SORCS2: variants seen among roughly 807,000 people sequenced by gnomAD.
SORCS2 encodes the protein sortilin related VPS10 domain containing receptor 2, also known as VPS10 domain-containing receptor SorCS2.
A neutral mutation model predicts 141.6 loss-of-function variants in SORCS2; 100 were observed. That is an observed-to-expected ratio of 0.71 (90% CI 0.60 to 0.83). The LOEUF is 0.83. SORCS2 is among the 40% of genes least tolerant of loss of function. The pLI is 0.00. For synonymous variants in SORCS2, 789 were observed against 676.9 expected (o/e 1.17, Z -2.57); for missense variants, 1,646 against 1,560.2 (o/e 1.05, Z -0.93).
chr4:7,322,978 T>A (rs1718994978), intron 1 of SORCS2, among the ~76,000 whole-genome samples: 1 of 151,664 alleles, frequency 6.6e-6, no homozygotes, highest in Non-Finnish European at 1.5e-5. Flanking sequence ...GCCCGTTTTT[T>A]ATCTTTTTCT....
intron 1 of SORCS2, among the ~76,000 whole-genome samples, chr4:7,350,980 G>A (rs929517274): frequency 5.3e-5 from 8 of 152,180 alleles, no homozygotes; most frequent in African/African-American, 1.7e-4. Context: ...TGGGGCACAC[G>A]TGGTCGGGGT....
intron 1 of SORCS2, among the ~76,000 whole-genome samples, chr4:7,203,052 G>A (rs1217531535): frequency 1.3e-5 from 2 of 152,172 alleles, no homozygotes; most frequent in East Asian, 3.8e-4. Context: ...CGGTGTGGCA[G>A]GAGGACTTGC....
chr4:7,568,664 A>T (rs535867293), intron 3 of SORCS2, among the ~76,000 whole-genome samples: 11 of 152,234 alleles, frequency 7.2e-5, no homozygotes, highest in African/African-American at 2.7e-4. Flanking sequence ...TGCAGGATCC[A>T]AGAAATGTTG....
intron 3 of SORCS2, among the ~76,000 whole-genome samples, chr4:7,627,356 G>A (rs1330708252): frequency 1.3e-5 from 2 of 152,136 alleles, no homozygotes; most frequent in Non-Finnish European, 2.9e-5. Context: ...AGAATGCCAG[G>A]CCTTACATAT....
At chr4:7,645,291 A>T (rs1263075478) in intron 4 of SORCS2, among the ~76,000 whole-genome samples, 1 of 152,088 alleles carries the variant, frequency 6.6e-6, no homozygotes, top group Non-Finnish European at 1.5e-5. Context: ...GGCAAGGGTG[A>T]CTCCTCAGCC....
Position 7,740,626 on chromosome 4 carries a change from C to T in SORCS2, c.*362C>T, listed in dbSNP as rs577352010. 18 of 347,850 alleles carry T rather than the reference C, an allele frequency of 5.2e-5. No individual in the cohort carries two copies. The East Asian group carries it at 8.0e-4, about 15-fold the overall frequency. The allele number at this position is 347,850 out of a possible 1,614,324, so 21.5% of individuals were successfully genotyped here. A position where few individuals can be genotyped will look rare whatever the true frequency, so the allele number is the denominator to read the frequency against. ...GGAGCCCTCCCAGTACCTCGGGCTGCAAGAGCTGCAGACCCGTTCAGACAC... is the reference window on the plus strand; with the variant it reads ...GGAGCCCTCCCAGTACCTCGGGCTGTAAGAGCTGCAGACCCGTTCAGACAC... On this transcript the variant is annotated 3_prime_UTR_variant, in exon 27 of 27. Transcript: ENST00000507866.
At chr4:7,674,892 T>C (rs1489321762) in intron 8 of SORCS2, among the ~76,000 whole-genome samples, 2 of 151,648 alleles carry the variant, frequency 1.3e-5, no homozygotes, top group African/African-American at 2.4e-5. Context: ...CAGCCACAGC[T>C]ACACCGTAAT....
rs13142919 is a variant in SORCS2, at chr4:7,564,627, T to G, written c.648+32998T>G. Among the ~76,000 whole-genome samples the G allele has an allele frequency of 6.2e-3, 943 of 152,298 alleles. 3 individuals are homozygous for G. Among genetic ancestry groups the G allele is most frequent in the Non-Finnish European group, 9.7e-3 (663 of 68,028 alleles). Reference sequence around the variant, plus strand: ...GGAAGGAAGGCAGCTATGGGAGCGATGAGGAGCTGGGCCCGAGCTCACCAG... The same window carrying G: ...GGAAGGAAGGCAGCTATGGGAGCGAGGAGGAGCTGGGCCCGAGCTCACCAG... On this transcript the variant is annotated intron_variant, in intron 3 of 26. Coordinates refer to ENST00000507866, the MANE Select transcript of SORCS2 (RefSeq NM_020777.3).
chr4:7,722,810 G>A (rs1225893070), intron 18 of SORCS2, among the ~76,000 whole-genome samples: 2 of 152,190 alleles, frequency 1.3e-5, no homozygotes, highest in Admixed American at 6.5e-5. Context: ...CAGAATTTAC[G>A]TAAAAGTTTT....
At chr4:7,465,132 G>A (rs533509368) in intron 2 of SORCS2, among the ~76,000 whole-genome samples, 20 of 152,200 alleles carry the variant, frequency 1.3e-4, no homozygotes, top group African/African-American at 4.1e-4. Context: ...GCCGCTGGGC[G>A]AAAGAAGGCC....
In SORCS2 at chr4:7,509,529, G is replaced by C. The variant is rs557978675; in HGVS notation, c.549-22001G>C. ...TCCATGTCCATACTCACCCGCACTC[G>C]CCACTCACGGGAGGACTCTGCGGTC... is the stretch of plus-strand genomic sequence containing the variant. On this transcript the variant is annotated intron_variant, in intron 2 of 26. Transcript: ENST00000507866. Among the ~76,000 whole-genome samples the C allele has an allele frequency of 2.0e-5, 3 of 152,284 alleles. No individual in the cohort carries two copies. In the East Asian group the frequency reaches 5.8e-4, roughly 29 times the overall value.
chr4:7,644,201 G>A (rs1424272964), intron 4 of SORCS2, among the ~76,000 whole-genome samples: 2 of 152,190 alleles, frequency 1.3e-5, no homozygotes, highest in Non-Finnish European at 2.9e-5. Context: ...CTGCCCATCA[G>A]GAAGGTGGGG....
Position 7,689,504 on chromosome 4 carries a change from C to A in SORCS2, c.1507C>A (p.Leu503Met). The A allele has an allele frequency of 6.2e-7, 1 of 1,602,636 alleles. No individual in the cohort carries two copies. Among genetic ancestry groups the A allele is most frequent in the Non-Finnish European group, 8.5e-7 (1 of 1,175,176 alleles). The change falls in exon 11 of 27, where the codon CTG (leucine) becomes ATG (methionine). Residue 503 changes from leucine to methionine, a missense_variant. Leu to Met is a conservative substitution (Grantham distance 15). Coordinates refer to ENST00000507866, the MANE Select transcript of SORCS2 (RefSeq NM_020777.3). ...NCKPPDCHLH[L>M]HLRWADNPYV... ...CTTGCAGCCAGACTGCCACCTGCAC[C>A]TGCACCTGCGCTGGGCAGACAACCC...
chr4:7,407,980 T>C (rs1315574450), intron 2 of SORCS2, among the ~76,000 whole-genome samples: 1 of 152,104 alleles, frequency 6.6e-6, no homozygotes, highest in Non-Finnish European at 1.5e-5. Flanking sequence ...CTCCCCCATA[T>C]TTTTACTTTT....
At chr4:7,227,857 G>A (rs879895223) in intron 1 of SORCS2, among the ~76,000 whole-genome samples, 3 of 152,178 alleles carry the variant, frequency 2.0e-5, no homozygotes, top group Admixed American at 1.3e-4. Context: ...CCTAGAGGAG[G>A]GCAGCTCCCT....
At chr4:7,725,763 A>T (rs1448746972) in intron 20 of SORCS2, among the ~76,000 whole-genome samples, 3 of 152,214 alleles carry the variant, frequency 2.0e-5, no homozygotes, top group Admixed American at 6.5e-5. Context: ...CCAAATTAGC[A>T]GAATGCCTGG....
At chr4:7,468,382 T>A (rs1270208093) in intron 2 of SORCS2, among the ~76,000 whole-genome samples, 3 of 152,200 alleles carry the variant, frequency 2.0e-5, no homozygotes, top group Non-Finnish European at 4.4e-5. Flanking sequence ...TATGTCTCCA[T>A]CCTCGCAGTA....
chr4:7,469,908 G>A (rs944753813), intron 2 of SORCS2, among the ~76,000 whole-genome samples: 23 of 152,156 alleles, frequency 1.5e-4, no homozygotes, highest in Admixed American at 5.9e-4. Flanking sequence ...TGTCATCAGA[G>A]ACAGGAAGAC....
intron 5 of SORCS2, among the ~76,000 whole-genome samples, chr4:7,657,497 GAGTAAA>G (rs1577906255): frequency 2.3e-5 from 2 of 86,948 alleles, no homozygotes; most frequent in South Asian, 3.5e-4. Context: ...ATGAATGAAT[GAGTAAA>G]TGAATGAGTA....
Sources: allele counts gnomAD v4.1 joint callset (sites outside exome capture counted in the v4.1 genomes callset), GRCh38; gene constraint gnomAD v4.1.1; transcripts MANE v1.5; gene names NCBI Gene and HGNC (gene_info 2026-07-23, HGNC 2026-07-21).